The following TANGO6 variants were observed in gnomAD, a reference collection of about 807,000 sequenced individuals.
TANGO6 encodes the protein transport and golgi organization 6 homolog.
A neutral mutation model predicts 114.2 loss-of-function variants in TANGO6; 90 were observed. The ratio of observed to expected loss-of-function variants is 0.79; its 90% CI spans 0.66 to 0.94. TANGO6 has a LOEUF of 0.94. Among genes scored for constraint, TANGO6 ranks in the 40% least tolerant of loss-of-function variants. TANGO6 has a pLI of 0.00. For synonymous variants in TANGO6, 477 were observed against 509.8 expected (o/e 0.94, Z 0.87); for missense variants, 1,274 against 1,315.3 (o/e 0.97, Z 0.49).
In TANGO6 at chr16:68,875,105, T is replaced by C. The variant is rs1371253376; in HGVS notation, c.995-49T>C. The C allele has an allele frequency of 2.6e-6, 4 of 1,556,688 alleles. No individual in the cohort carries two copies. The African/African-American group carries it at 5.4e-5, about 21-fold the overall frequency. On this transcript the variant is annotated intron_variant, in intron 4 of 17. Coordinates refer to ENST00000261778, the MANE Select transcript of TANGO6 (RefSeq NM_024562.2). ...AAGACAAATTTGTTACATGGGACCT[T>C]CTGTGGGGAATTGCTGTGAGCTGCT...
In TANGO6 at chr16:68,909,388, A is replaced by G. The variant is rs1801627450; in HGVS notation, c.1978A>G (p.Thr660Ala). The G allele has an allele frequency of 6.5e-7, 1 of 1,539,568 alleles. No individual in the cohort carries two copies. Residue 660 changes from threonine (T) to alanine (A), a missense_variant, in exon 11 of 18, where the codon ACA (threonine) becomes GCA (alanine). Around this residue, in one of 5 missense-constraint regions of TANGO6, gnomAD observed 908 missense variants for 910.2 expected, o/e 1.00. Transcript: ENST00000261778. Reference protein sequence around the residue: ...LCERMSEQIFTNVTQVVDFVA... With the variant: ...LCERMSEQIFANVTQVVDFVA... ...CGAGAGAATGTCTGAGCAGATATTC[A>G]CAAACGTCACTCAGGTCAGTAGTTG...
At chr16:68,980,211 A>G (rs1183787692) in intron 15 of TANGO6, among the ~76,000 whole-genome samples, 2 of 151,476 alleles carry the variant, frequency 1.3e-5, no homozygotes, top group Non-Finnish European at 2.9e-5. Context: ...TTTATATCAT[A>G]AATATTTTCT....
At position 68,940,162 on chromosome 16, in the gene TANGO6, CCTTT is replaced by C. The variant is rs1343324809; in HGVS notation, c.2701+9871_2701+9874del. Among the ~76,000 whole-genome samples, 3 of 145,954 alleles carry C rather than the reference CCTTT, an allele frequency of 2.1e-5. No individual in the cohort carries two copies. In the Admixed American group the frequency reaches 2.1e-4, roughly 10 times the overall value. On this transcript the variant is annotated intron_variant, in intron 14 of 17. Transcript: ENST00000261778. ...CTTTTTATTTTGTTTTTCCTTCCTTCCTTTCTTCCTTCCTTCCTTCCTTCTTTTC... is the reference window on the plus strand; with the variant it reads ...CTTTTTATTTTGTTTTTCCTTCCTTCCTTCCTTCCTTCCTTCCTTCTTTTC...
intron 17 of TANGO6, among the ~76,000 whole-genome samples, chr16:69,067,536 A>AAAAAAAAAAAAAAAAAC (rs1860912479): frequency 7.1e-6 from 1 of 140,644 alleles, no homozygotes; most frequent in African/African-American, 2.7e-5. Flanking sequence ...AAAAAAAAAA[A>AAAAAAAAAAAAAAAAAC]ACGCTGGGCG....
At chr16:68,977,627 C>T (rs1331749099) in intron 15 of TANGO6, among the ~76,000 whole-genome samples, 1 of 150,502 alleles carries the variant, frequency 6.6e-6, no homozygotes, top group Non-Finnish European at 1.5e-5. Context: ...CTCTTGAACC[C>T]GGGAGGCAGA....
intron 17 of TANGO6, among the ~76,000 whole-genome samples, chr16:69,054,307 G>A (rs1186795450): frequency 6.6e-6 from 1 of 152,192 alleles, no homozygotes; most frequent in Non-Finnish European, 1.5e-5. Context: ...GTTGGGGAGG[G>A]GCAGTTACCT....
At chr16:69,009,062 G>T (rs1964121411) in intron 15 of TANGO6, among the ~76,000 whole-genome samples, 1 of 143,300 alleles carries the variant, frequency 7.0e-6, no homozygotes, top group South Asian at 2.4e-4. Flanking sequence ...ATAAACAGGA[G>T]AGTTTATTTC....
intron 1 of TANGO6, among the ~76,000 whole-genome samples, chr16:68,854,510 A>G (rs1405848759): frequency 6.6e-6 from 1 of 152,156 alleles, no homozygotes; most frequent in Non-Finnish European, 1.5e-5. Flanking sequence ...CTCTAGGATC[A>G]TAAAAGACTT....
chr16:69,014,607 C>T (rs1374988181), intron 15 of TANGO6, among the ~76,000 whole-genome samples: 1 of 152,074 alleles, frequency 6.6e-6, no homozygotes, highest in Non-Finnish European at 1.5e-5. Context: ...CTCAAATTAA[C>T]CCCTGGGCTG....
intron 15 of TANGO6, among the ~76,000 whole-genome samples, chr16:69,016,020 G>A (rs1396181873): frequency 6.6e-6 from 1 of 152,088 alleles, no homozygotes; most frequent in Non-Finnish European, 1.5e-5. Context: ...TCCTCTGAGA[G>A]CTCTTCCCTG....
At chr16:69,003,530 A>G (rs1567556729) in intron 15 of TANGO6, among the ~76,000 whole-genome samples, 1 of 152,192 alleles carries the variant, frequency 6.6e-6, no homozygotes, top group Non-Finnish European at 1.5e-5. Flanking sequence ...GGAAAAGAAA[A>G]CAGATTTTAG....
intron 7 of TANGO6, among the ~76,000 whole-genome samples, chr16:68,892,666 C>G (rs1222267760): frequency 1.3e-5 from 2 of 152,060 alleles, no homozygotes; most frequent in Non-Finnish European, 2.9e-5. Context: ...AGGCACCCAC[C>G]ACCACATCCA....
chr16:68,970,525 G>A (rs1169974103), intron 14 of TANGO6, among the ~76,000 whole-genome samples: 3 of 151,910 alleles, frequency 2.0e-5, no homozygotes, highest in Non-Finnish European at 4.4e-5. Context: ...AAATTAGCTG[G>A]GCATGGTGGC....
Position 68,875,276 on chromosome 16 carries a change from G to C in TANGO6, c.1117G>C (p.Asp373His). 1 of 1,613,056 alleles carries C rather than the reference G, an allele frequency of 6.2e-7. No homozygotes were observed. Among genetic ancestry groups the C allele is most frequent in the Non-Finnish European group, 8.5e-7 (1 of 1,179,356 alleles). Residue 373 changes from aspartate (D) to histidine (H), a missense_variant, in exon 5 of 18, where the codon GAC (aspartate) becomes CAC (histidine). By Grantham distance (81) the Asp-to-His change is moderately conservative. This residue lies in a region of TANGO6 where 908 missense variants were observed against 910.2 expected (regional missense o/e 1.00). Coordinates refer to ENST00000261778, the MANE Select transcript of TANGO6 (RefSeq NM_024562.2). ...QSLSPENYYR[D>H]ICPQVLDLFH... is the part of the protein sequence containing the mutation. Reference sequence around the variant, plus strand: ...TCTTTCACCAGAGAATTACTACAGGGACATCTGCCCCCAGGTAAATCTTTT... The same window carrying C: ...TCTTTCACCAGAGAATTACTACAGGCACATCTGCCCCCAGGTAAATCTTTT...
intron 17 of TANGO6, among the ~76,000 whole-genome samples, chr16:69,069,628 C>T (rs1437745688): frequency 6.6e-6 from 1 of 152,128 alleles, no homozygotes; most frequent in Non-Finnish European, 1.5e-5. Flanking sequence ...CGGTGTATAA[C>T]TTGCGTGTTA....
chr16:69,018,938 T>C (rs1225619495), intron 15 of TANGO6, among the ~76,000 whole-genome samples: 1 of 152,086 alleles, frequency 6.6e-6, no homozygotes, highest in Non-Finnish European at 1.5e-5. Flanking sequence ...TAAATAAATC[T>C]GTATGTTTGA....
At chr16:68,865,800 C>T (rs1051801305) in intron 3 of TANGO6, among the ~76,000 whole-genome samples, 7 of 151,440 alleles carry the variant, frequency 4.6e-5, no homozygotes, top group Non-Finnish European at 1.0e-4. Context: ...TGCCTGTAGT[C>T]CCAGCTACTC....
At chr16:68,935,118 G>T (rs1963287629) in intron 14 of TANGO6, among the ~76,000 whole-genome samples, 2 of 152,188 alleles carry the variant, frequency 1.3e-5, no homozygotes, top group South Asian at 4.1e-4. Context: ...TTTCCCACCT[G>T]CATTGCCAGT....
chr16:69,056,806 A>C (rs1371297771), intron 17 of TANGO6, among the ~76,000 whole-genome samples: 1 of 151,990 alleles, frequency 6.6e-6, no homozygotes, highest in Non-Finnish European at 1.5e-5. Flanking sequence ...AGTAACCCCG[A>C]GTATCTGGGG....
Sources: gnomAD v4.1 joint callset for allele counts (sites outside exome capture counted in the v4.1 genomes callset) on GRCh38, gnomAD v4.1.1 for gene constraint, gnomAD v4.1.1 regional missense constraint, MANE v1.5 for transcripts, NCBI Gene and HGNC (gene_info 2026-07-23, HGNC 2026-07-21) for gene names.